OR56A3: variants seen among roughly 807,000 people sequenced by gnomAD.
OR56A3 encodes olfactory receptor 56A3.
In OR56A3, 23 loss-of-function variants were observed where a neutral mutation model predicts 17.5. That is an observed-to-expected ratio of 1.32 (90% CI 0.95 to 1.87). The LOEUF (loss-of-function observed/expected upper bound fraction) is 1.87, where lower values mean the gene tolerates loss of function less well. Among genes scored for constraint, OR56A3 ranks in the 40% most tolerant of loss-of-function variants. The pLI is 0.00. For synonymous variants in OR56A3, 175 were observed against 150.6 expected, an observed-to-expected ratio of 1.16 and a Z score of -1.19; for missense variants, 366 against 380.1, an observed-to-expected ratio of 0.96 and a Z score of 0.31.
the OR56A3 span, among the ~76,000 whole-genome samples, chr11:5,964,638 T>C: frequency 6.6e-6 from 1 of 152,224 alleles, no homozygotes; most frequent in African/African-American, 2.4e-5. Flanking sequence ...TTATGGGTTA[T>C]TTGGAGTCCA....
At chr11:6,005,962 T>A in the OR56A3 span, among the ~76,000 whole-genome samples, 4 of 152,080 alleles carry the variant, frequency 2.6e-5, no homozygotes, top group African/African-American at 9.7e-5. Flanking sequence ...TCGTGGAAGG[T>A]AGGGAGGCTT....
intron 2 of OR56A3, among the ~76,000 whole-genome samples, chr11:5,946,373 G>A (rs1055279598): frequency 6.6e-6 from 1 of 152,150 alleles, no homozygotes; most frequent in African/African-American, 2.4e-5. Flanking sequence ...TTGTGATGCT[G>A]GTACCTAACA....
At chr11:5,967,491 A>G in the OR56A3 span, 1 of 1,206,636 alleles carries the variant, frequency 8.3e-7, no homozygotes, top group African/African-American at 1.5e-5. Flanking sequence ...TCTATGCATC[A>G]TAACAATTAT....
At chr11:5,996,291 A>G in the OR56A3 span, among the ~76,000 whole-genome samples, 6 of 152,190 alleles carry the variant, frequency 3.9e-5, no homozygotes, top group African/African-American at 1.4e-4. Flanking sequence ...TATAGCAACA[A>G]AAATCCTTCA....
chr11:6,002,385 A>C, the OR56A3 span: 1 of 1,614,226 alleles, frequency 6.2e-7, no homozygotes, highest in South Asian at 1.1e-5. Context: ...GCCTGCCACA[A>C]ACTGGTAGAG....
Position 5,948,541 on chromosome 11 carries a change from C to G in OR56A3, c.*247C>G, listed in dbSNP as rs1847888934. The G allele has an allele frequency of 8.7e-6, 4 of 457,938 alleles. No individual in the cohort carries two copies. The highest frequency in any genetic ancestry group is 8.5e-5 in the South Asian group (2 of 23,472). The allele number at this position is 457,938 out of a possible 1,614,324, so 28.4% of individuals were successfully genotyped here. ...AATCATATTTTGTCCAAAACACTGACATTCCTTAAAGCAGATTTTAAAGTG... is the reference window on the plus strand; with the variant it reads ...AATCATATTTTGTCCAAAACACTGAGATTCCTTAAAGCAGATTTTAAAGTG... On this transcript the variant is annotated 3_prime_UTR_variant, in exon 3 of 3. Transcript: ENST00000641160.
chr11:6,021,728 TA>T, the OR56A3 span: 5 of 151,846 alleles, frequency 3.3e-5, no homozygotes, highest in African/African-American at 9.7e-5. Context: ...CAGATGGCAT[TA>T]AAAAAACAAT....
At chr11:6,002,712 G>C in the OR56A3 span, 13 of 1,614,222 alleles carry the variant, frequency 8.1e-6, no homozygotes, top group Non-Finnish European at 1.1e-5. Flanking sequence ...GAAGCTGATC[G>C]ACCTGAGGTC....
chr11:5,968,293 G>A, the OR56A3 span: 2 of 1,612,762 alleles, frequency 1.2e-6, no homozygotes, highest in Non-Finnish European at 1.7e-6. Context: ...AGGGAGAGGA[G>A]GCTGAGCAGG....
chr11:5,980,649 A>G, the OR56A3 span, among the ~76,000 whole-genome samples: 1 of 152,114 alleles, frequency 6.6e-6, no homozygotes, highest in Non-Finnish European at 1.5e-5. Context: ...CAAATTGAAC[A>G]TTTTAAGTGG....
chr11:6,004,094 G>A, the OR56A3 span, among the ~76,000 whole-genome samples: 1 of 152,166 alleles, frequency 6.6e-6, no homozygotes, highest in African/African-American at 2.4e-5. Flanking sequence ...TGCAGGATAA[G>A]AGAGGGAGAC....
In OR56A3 at chr11:5,950,587, T is replaced by C. The variant is rs1039610436; in HGVS notation, c.*2293T>C. ...GTGCAATATGAACCACATACTTAAT[T>C]TTAAACTTTTTAGTACACATGTTGA... is the stretch of plus-strand genomic sequence containing the variant. On this transcript the variant is annotated 3_prime_UTR_variant, in exon 3 of 3. Transcript: ENST00000641160. The C allele has an allele frequency of 6.7e-6, 1 of 149,388 alleles. No homozygotes were observed. Among genetic ancestry groups the C allele is most frequent in the African/African-American group, 2.4e-5 (1 of 41,070 alleles). 9.3% of individuals were successfully genotyped at this position (149,388 alleles called of 1,614,324 possible).
chr11:5,994,271 T>G, the OR56A3 span: 2 of 599,334 alleles, frequency 3.3e-6, 1 homozygote, highest in Non-Finnish European at 6.3e-6. Context: ...ACTGTACATC[T>G]CAGCTCCATG....
At chr11:5,963,534 G>A in the OR56A3 span, among the ~76,000 whole-genome samples, 2 of 151,852 alleles carry the variant, frequency 1.3e-5, no homozygotes, top group East Asian at 3.9e-4. Context: ...CTTTCTCCTG[G>A]CCTGTAAGGT....
the OR56A3 span, among the ~76,000 whole-genome samples, chr11:5,976,161 G>A: frequency 6.6e-6 from 1 of 151,834 alleles, no homozygotes; most frequent in South Asian, 2.1e-4. Context: ...GGAAAAGGGA[G>A]AGAAGGAAGG....
At chr11:6,009,924 T>C in the OR56A3 span, among the ~76,000 whole-genome samples, 5 of 152,194 alleles carry the variant, frequency 3.3e-5, no homozygotes, top group East Asian at 1.9e-4. Context: ...TTCCATTCTG[T>C]TTCAAATTGT....
the OR56A3 span, among the ~76,000 whole-genome samples, chr11:6,014,609 A>T: frequency 6.6e-6 from 1 of 152,314 alleles, no homozygotes; most frequent in South Asian, 2.1e-4. Flanking sequence ...ATTTTGATAA[A>T]GATACCTGAA....
chr11:6,001,946 C>T, the OR56A3 span: 1 of 1,155,038 alleles, frequency 8.7e-7, no homozygotes, highest in Non-Finnish European at 1.2e-6. Context: ...CGAACTCAGG[C>T]AGGATTTAAA....
chr11:6,010,063 GT>G, the OR56A3 span, among the ~76,000 whole-genome samples: 103,027 of 151,694 alleles, frequency 0.68, 35,285 homozygotes, highest in East Asian at 0.93. Flanking sequence ...AGTCATAGGT[GT>G]TTTTTTAAAA....
Sources: gnomAD v4.1 joint callset for allele counts (sites outside exome capture counted in the v4.1 genomes callset) on GRCh38, gnomAD v4.1.1 for gene constraint, MANE v1.5 for transcripts, NCBI Gene and HGNC (gene_info 2026-07-23, HGNC 2026-07-21) for gene names.